The following SYNPO2 variants were observed in gnomAD, a reference collection of about 807,000 sequenced individuals.
SYNPO2 encodes the protein synaptopodin 2, also known as synaptopodin-2.
Under a neutral mutation model 85.0 loss-of-function variants are expected in SYNPO2, and 56 were observed. That is an observed-to-expected ratio of 0.66 (90% CI 0.53 to 0.82). SYNPO2 has a LOEUF of 0.82. SYNPO2 is among the 40% of genes least tolerant of loss of function. The pLI, the probability that SYNPO2 is intolerant of heterozygous loss-of-function variation, is 0.00. For missense variants in SYNPO2, 1,575 were observed against 1,534.2 expected, an observed-to-expected ratio of 1.03 and a Z score of -0.44; for synonymous variants, 602 against 591.1, an observed-to-expected ratio of 1.02 and a Z score of -0.27.
chr4:118,943,532 G>GT (rs1262358770), intron 1 of SYNPO2, among the ~76,000 whole-genome samples: 1 of 152,152 alleles, frequency 6.6e-6, no homozygotes, highest in Admixed American at 6.5e-5. Context: ...AATTTGAGTT[G>GT]TTTTTTCATG....
Position 119,030,535 on chromosome 4 carries a change from G to C in SYNPO2, c.1760G>C (p.Arg587Thr). ...ATCCAGAGGATGGTCCCCATGAATAGAACGGCCAAACCCTTCCCAGGGTCT... is the reference window on the plus strand; with the variant it reads ...ATCCAGAGGATGGTCCCCATGAATACAACGGCCAAACCCTTCCCAGGGTCT... ...ANIQRMVPMN[R>T]TAKPFPGSVN... Residue 587 changes from arginine to threonine, a missense_variant, in exon 4 of 5, where the codon AGA becomes ACA. Arg to Thr is a moderately conservative substitution (Grantham distance 71). Transcript: ENST00000307142. The C allele has an allele frequency of 4.3e-6, 7 of 1,614,156 alleles. No individual in the cohort carries two copies. The South Asian group carries it at 5.5e-5, about 13-fold the overall frequency.
At chr4:118,917,163 G>A (rs1205968883) in intron 1 of SYNPO2, among the ~76,000 whole-genome samples, 12 of 152,198 alleles carry the variant, frequency 7.9e-5, no homozygotes, top group African/African-American at 2.9e-4. Flanking sequence ...AGGCCAAGGC[G>A]GGTGGATCGC....
At chr4:119,011,511 C>A (rs1015310985) in intron 1 of SYNPO2, among the ~76,000 whole-genome samples, 1 of 152,072 alleles carries the variant, frequency 6.6e-6, no homozygotes, top group Non-Finnish European at 1.5e-5. Context: ...GTCCAACATT[C>A]AATGGGAGCA....
intron 1 of SYNPO2, among the ~76,000 whole-genome samples, chr4:118,951,190 A>G (rs1399659890): frequency 3.9e-5 from 6 of 152,208 alleles, no homozygotes; most frequent in African/African-American, 1.4e-4. Context: ...GCTGCTAAAA[A>G]TACCACGGTT....
chr4:118,863,441 C>T (rs1731647021), intron 1 of SYNPO2, among the ~76,000 whole-genome samples: 4 of 152,108 alleles, frequency 2.6e-5, no homozygotes, highest in Admixed American at 2.6e-4. Context: ...AATTTATTGT[C>T]ATATAGTTGC....
At chr4:118,940,062 T>G (rs1463234451) in intron 1 of SYNPO2, among the ~76,000 whole-genome samples, 1 of 150,636 alleles carries the variant, frequency 6.6e-6, no homozygotes, top group African/African-American at 2.4e-5. Flanking sequence ...CTTGGCTCAC[T>G]GCAACCTCCG....
chr4:119,031,545 G>A lies in SYNPO2; in HGVS notation c.2770G>A (p.Ala924Thr). The A allele has an allele frequency of 6.2e-7, 1 of 1,614,118 alleles. No individual in the cohort carries two copies. Among genetic ancestry groups the A allele is most frequent in the East Asian group, 2.2e-5 (1 of 44,872 alleles). ...SSNVRAPPPV[A>T]YNPIHSPSYP... ...CAATGTCCGAGCACCTCCTCCTGTG[G>A]CCTATAATCCTATCCACTCGCCGTC... is the stretch of plus-strand genomic sequence containing the variant. Residue 924 changes from alanine (A) to threonine (T), a missense_variant, in exon 4 of 5, where the codon GCC becomes ACC. Physicochemically the swap from Ala to Thr is moderately conservative, Grantham distance 58. Around this residue, in one of 3 missense-constraint regions of SYNPO2, gnomAD observed 1,508 missense variants for 1,446.8 expected, o/e 1.04. Coordinates refer to ENST00000307142, the MANE Select transcript of SYNPO2 (RefSeq NM_133477.3).
At chr4:118,920,633 A>G (rs1733501768) in intron 1 of SYNPO2, among the ~76,000 whole-genome samples, 1 of 152,138 alleles carries the variant, frequency 6.6e-6, no homozygotes. Context: ...CCATCAAAAG[A>G]ACTCTTTGTA....
At chr4:118,950,462 G>A (rs1271798612) in intron 1 of SYNPO2, among the ~76,000 whole-genome samples, 1 of 152,222 alleles carries the variant, frequency 6.6e-6, no homozygotes. Context: ...GGTTTCTACA[G>A]GAAGGAATGC....
At chr4:119,051,327 C>T (rs1193051387) in intron 4 of SYNPO2, among the ~76,000 whole-genome samples, 2 of 144,704 alleles carry the variant, frequency 1.4e-5, no homozygotes, top group African/African-American at 5.1e-5. Flanking sequence ...GTAGCTGGGA[C>T]TACAAGCGCC....
At position 118,929,621 on chromosome 4, in the gene SYNPO2, A is replaced by AT. The variant is rs201479017; in HGVS notation, c.105+40489dup. On this transcript the variant is annotated intron_variant, in intron 1 of 4. Transcript: ENST00000307142. ...AGCCAAATGATTTCTCCAAATCCTCATTTTTTTTTGTTGTACAAATAGAGT... is the reference window on the plus strand; with the variant it reads ...AGCCAAATGATTTCTCCAAATCCTCATTTTTTTTTTGTTGTACAAATAGAGT... Among the ~76,000 whole-genome samples, 610 of 151,092 alleles carry AT rather than the reference A, an allele frequency of 4.0e-3. 6 individuals carry two copies. Among genetic ancestry groups the AT allele is most frequent in the African/African-American group, 0.012 (509 of 41,320 alleles).
At chr4:118,905,384 G>A (rs1732897075) in intron 1 of SYNPO2, among the ~76,000 whole-genome samples, 1 of 151,892 alleles carries the variant, frequency 6.6e-6, no homozygotes, top group Non-Finnish European at 1.5e-5. Context: ...TTGAGACATT[G>A]AACCTAATAT....
intron 1 of SYNPO2, among the ~76,000 whole-genome samples, chr4:119,022,970 G>T (rs1737796310): frequency 6.6e-6 from 1 of 151,708 alleles, no homozygotes; most frequent in Admixed American, 6.6e-5. Context: ...TAGAGACGGG[G>T]TTTCACCATG....
chr4:119,002,348 C>T (rs140643248), intron 1 of SYNPO2, among the ~76,000 whole-genome samples: 2,905 of 152,200 alleles, frequency 0.019, 39 homozygotes, highest in Non-Finnish European at 0.032. Context: ...GCAACCTCTG[C>T]CTCCCCAGTT....
intron 4 of SYNPO2, chr4:119,035,971 A>G (rs1738497177): frequency 1.1e-5 from 11 of 985,450 alleles, no homozygotes; most frequent in African/African-American, 1.7e-5. Context: ...GCTCTTTCAC[A>G]GTAAACCCTC....
chr4:119,026,821 A>G lies in SYNPO2; in HGVS notation c.452A>G (p.Asp151Gly). 1 of 1,614,076 alleles carries G rather than the reference A, an allele frequency of 6.2e-7. No homozygotes were observed. The highest frequency in any genetic ancestry group is 8.5e-7 in the Non-Finnish European group (1 of 1,179,986). The stretch of plus-strand genomic sequence containing the variant: ...GCTGAGAACCAAAGAAGTGGTCCCG[A>G]CTGTGCAGGCAGCTTGAAAGAAGAA... Reference protein sequence around the residue: ...PLAENQRSGPDCAGSLKEETG... With the variant: ...PLAENQRSGPGCAGSLKEETG... Residue 151 changes from aspartate (D) to glycine (G), a missense_variant, in exon 3 of 5, where the codon GAC (aspartate) becomes GGC (glycine). Asp to Gly is a moderately conservative substitution (Grantham distance 94, BLOSUM62 -1). Transcript: ENST00000307142.
At chr4:119,000,650 G>T (rs1285856884) in intron 1 of SYNPO2, among the ~76,000 whole-genome samples, 1 of 152,190 alleles carries the variant, frequency 6.6e-6, no homozygotes, top group African/African-American at 2.4e-5. Flanking sequence ...TTCATACCAT[G>T]GCCATATTTT....
intron 1 of SYNPO2, among the ~76,000 whole-genome samples, chr4:118,918,994 C>G (rs568123161): frequency 1.3e-5 from 2 of 152,258 alleles, no homozygotes; most frequent in African/African-American, 4.8e-5. Context: ...TATTATGAAA[C>G]TAAATATACA....
intron 1 of SYNPO2, among the ~76,000 whole-genome samples, chr4:118,902,857 T>C (rs1393106263): frequency 1.3e-5 from 2 of 152,180 alleles, no homozygotes; most frequent in Non-Finnish European, 2.9e-5. Context: ...ATTATTACCA[T>C]GTTTAACCTT....
Sources: gnomAD v4.1 joint callset for allele counts (sites outside exome capture counted in the v4.1 genomes callset) on GRCh38, gnomAD v4.1.1 for gene constraint, gnomAD v4.1.1 regional missense constraint, MANE v1.5 for transcripts, NCBI Gene and HGNC (gene_info 2026-07-23, HGNC 2026-07-21) for gene names.